PCDH15: variants seen among roughly 807,000 people sequenced by gnomAD.
The protein encoded by PCDH15 is protocadherin related 15.
In PCDH15, 129 loss-of-function variants were observed where a neutral mutation model predicts 178.5. That is an observed-to-expected ratio of 0.72 (90% confidence interval 0.63 to 0.84). The LOEUF is 0.84. PCDH15 is among the 40% of genes least tolerant of loss of function. The pLI, the probability that PCDH15 is intolerant of heterozygous loss-of-function variation, is 0.00. For synonymous variants in PCDH15, 800 were observed against 732.0 expected (o/e 1.09, Z -1.50); for missense variants, 2,230 against 2,099.9 (o/e 1.06, Z -1.21).
intron 1 of PCDH15, among the ~76,000 whole-genome samples, chr10:54,765,221 G>A (rs1271783756): frequency 6.6e-6 from 1 of 152,128 alleles, no homozygotes; most frequent in African/African-American, 2.4e-5. Flanking sequence ...TATATGGCAA[G>A]TAATTCCTGT....
intron 21 of PCDH15, among the ~76,000 whole-genome samples, chr10:53,988,368 G>C (rs1414986664): frequency 1.3e-5 from 2 of 152,116 alleles, no homozygotes; most frequent in African/African-American, 4.8e-5. Flanking sequence ...GGGAGGGTGT[G>C]GGTGCCAATT....
chr10:54,214,027 C>A lies in PCDH15; in HGVS notation c.1007G>T (p.Arg336Leu). 1 of 1,607,082 alleles carries A rather than the reference C, an allele frequency of 6.2e-7. No individual in the cohort carries two copies. The highest frequency in any genetic ancestry group is 1.1e-5 in the South Asian group (1 of 90,888). Residue 336 changes from arginine to leucine, a missense_variant, in exon 10 of 38, where the codon CGA becomes CTA. Transcript: ENST00000644397. The part of the protein sequence containing the change: ...ILVGTPEDYP[R>L]FFHMHPRTAE... ...TGTCCTAGGATGCATATGGAAAAAT[C>A]GTGGGTAATCCTCAGGAGTCCCTGG...
At chr10:55,131,453 G>C (rs111591092) in intron 2 of PCDH15, among the ~76,000 whole-genome samples, 7,295 of 152,276 alleles carry the variant, frequency 0.048, 234 homozygotes, top group Middle Eastern at 0.1. Flanking sequence ...CACCCACAAC[G>C]TGGTGAGTGG....
At chr10:54,506,242 T>C (rs2137586179) in intron 3 of PCDH15, among the ~76,000 whole-genome samples, 1 of 152,188 alleles carries the variant, frequency 6.6e-6, no homozygotes, top group Admixed American at 6.6e-5. Flanking sequence ...CACTGATTTT[T>C]TTTCTCAATC....
At chr10:53,834,930 T>C (rs2077219676) in intron 29 of PCDH15, among the ~76,000 whole-genome samples, 1 of 152,176 alleles carries the variant, frequency 6.6e-6, no homozygotes, top group Non-Finnish European at 1.5e-5. Context: ...GAGGGACAAC[T>C]GTCTATTTCC....
chr10:55,112,451 G>A (rs989513993), intron 2 of PCDH15, among the ~76,000 whole-genome samples: 3 of 152,022 alleles, frequency 2.0e-5, no homozygotes, highest in Admixed American at 6.6e-5. Context: ...GAAAGCAAAA[G>A]GAATTAAAAG....
chr10:55,238,145 CTTTT>C (rs758000610), intron 1 of PCDH15, among the ~76,000 whole-genome samples: 3 of 124,458 alleles, frequency 2.4e-5, no homozygotes, highest in Admixed American at 8.4e-5. Flanking sequence ...TTCATATTTT[CTTTT>C]TTTTTTTTTT....
intron 2 of PCDH15, among the ~76,000 whole-genome samples, chr10:54,624,539 GA>G (rs1238744926): frequency 3.3e-5 from 5 of 152,206 alleles, no homozygotes; most frequent in Non-Finnish European, 5.9e-5. Context: ...ACAAAAGGCA[GA>G]AGGCTGTTTA....
intron 1 of PCDH15, among the ~76,000 whole-genome samples, chr10:54,707,819 C>T (rs1483953281): frequency 2.0e-5 from 3 of 151,976 alleles, no homozygotes; most frequent in Admixed American, 6.6e-5. Flanking sequence ...TCATCAAATA[C>T]ATAGAAACCT....
At chr10:55,398,723 C>T (rs892381217) in intron 2 of PCDH15, among the ~76,000 whole-genome samples, 2 of 152,124 alleles carry the variant, frequency 1.3e-5, no homozygotes, top group Non-Finnish European at 2.9e-5. Flanking sequence ...TAATTGTTTA[C>T]TATTTGTCTC....
intron 2 of PCDH15, among the ~76,000 whole-genome samples, chr10:54,623,236 T>G (rs2093444107): frequency 6.6e-6 from 1 of 152,116 alleles, no homozygotes; most frequent in Non-Finnish European, 1.5e-5. Flanking sequence ...ACTCTTGTCC[T>G]AGGCTGTCTA....
chr10:54,427,252 T>A, intron 3 of PCDH15, among the ~76,000 whole-genome samples: 1 of 150,628 alleles, frequency 6.6e-6, no homozygotes, highest in Non-Finnish European at 1.5e-5. Context: ...TTCCTCTCAT[T>A]TCTTTCTCTT....
intron 2 of PCDH15, among the ~76,000 whole-genome samples, chr10:55,010,058 G>T (rs1266444331): frequency 6.6e-6 from 1 of 152,014 alleles, no homozygotes; most frequent in East Asian, 1.9e-4. Context: ...GTTTACATAA[G>T]TAATAGGAGA....
intron 2 of PCDH15, among the ~76,000 whole-genome samples, chr10:55,033,143 G>A (rs1472117244): frequency 6.6e-6 from 1 of 152,180 alleles, no homozygotes; most frequent in Non-Finnish European, 1.5e-5. Flanking sequence ...TCTAGGCAGA[G>A]AATTTTGTCA....
At chr10:54,872,599 C>T (rs774397666) in intron 3 of PCDH15, among the ~76,000 whole-genome samples, 1 of 152,064 alleles carries the variant, frequency 6.6e-6, no homozygotes. Flanking sequence ...TATTTTACTA[C>T]AAATAACTTC....
At chr10:54,764,007 G>A (rs927611435) in intron 1 of PCDH15, among the ~76,000 whole-genome samples, 4 of 151,588 alleles carry the variant, frequency 2.6e-5, no homozygotes, top group Non-Finnish European at 5.9e-5. Flanking sequence ...TAATCGACTC[G>A]AAGAAGAAAA....
chr10:55,257,741 A>G (rs979193260), intron 1 of PCDH15, among the ~76,000 whole-genome samples: 2 of 152,010 alleles, frequency 1.3e-5, no homozygotes, highest in African/African-American at 4.8e-5. Context: ...CCAAATCTAC[A>G]TCTGATTGGT....
intron 2 of PCDH15, among the ~76,000 whole-genome samples, chr10:54,975,499 A>G (rs1241711190): frequency 6.6e-6 from 1 of 152,190 alleles, no homozygotes; most frequent in Non-Finnish European, 1.5e-5. Flanking sequence ...TGTGTGATAT[A>G]TAAATCATGT....
intron 2 of PCDH15, among the ~76,000 whole-genome samples, chr10:55,532,294 C>A (rs919508471): frequency 5.9e-5 from 9 of 151,924 alleles, no homozygotes; most frequent in Admixed American, 4.6e-4. Flanking sequence ...GAGGCATAAC[C>A]AGATTTAAAC....
Sources: gnomAD v4.1 joint callset for allele counts (sites outside exome capture counted in the v4.1 genomes callset) on GRCh38, gnomAD v4.1.1 for gene constraint, MANE v1.5 for transcripts, NCBI Gene and HGNC (gene_info 2026-07-23, HGNC 2026-07-21) for gene names.